The following PRDM5 variants were observed in gnomAD, a reference collection of about 807,000 sequenced individuals.
PRDM5 encodes PR/SET domain 5, also known as PR domain zinc finger protein 5.
In PRDM5, 56 loss-of-function variants were observed where a neutral mutation model predicts 81.2. The observed-to-expected ratio is 0.69, with a 90% CI of 0.56 to 0.86. The LOEUF (loss-of-function observed/expected upper bound fraction) is 0.86, where lower values mean the gene tolerates loss of function less well. Among genes scored for constraint, PRDM5 ranks in the 40% least tolerant of loss-of-function variants. PRDM5 has a pLI of 0.00. For synonymous variants in PRDM5, 267 were observed against 256.4 expected, an observed-to-expected ratio of 1.04 and a Z score of -0.39; for missense variants, 697 against 770.1, an observed-to-expected ratio of 0.91 and a Z score of 1.12.
chr4:120,881,443 C>T (rs917856706), intron 2 of PRDM5, among the ~76,000 whole-genome samples: 2 of 152,160 alleles, frequency 1.3e-5, no homozygotes, highest in African/African-American at 4.8e-5. Flanking sequence ...TGACATTTTT[C>T]ACAGAGTCTA....
intron 14 of PRDM5, among the ~76,000 whole-genome samples, chr4:120,733,931 T>C (rs571802796): frequency 3.3e-5 from 5 of 150,690 alleles, no homozygotes; most frequent in South Asian, 2.1e-4. Context: ...CTAATATAAT[T>C]AATGTACCAG....
chr4:120,843,035 A>G (rs1487673516), intron 3 of PRDM5, among the ~76,000 whole-genome samples: 23 of 152,196 alleles, frequency 1.5e-4, no homozygotes, highest in Admixed American at 1.4e-3. Flanking sequence ...GGATTTCTGT[A>G]AGAAACAATC....
At chr4:120,714,664 C>A (rs185265508) in intron 14 of PRDM5, among the ~76,000 whole-genome samples, 1 of 152,178 alleles carries the variant, frequency 6.6e-6, no homozygotes. Flanking sequence ...TCTCCTGTCT[C>A]CTGCTCGTGG....
intron 14 of PRDM5, among the ~76,000 whole-genome samples, chr4:120,734,169 C>T (rs894337811): frequency 2.6e-5 from 4 of 151,938 alleles, no homozygotes; most frequent in Non-Finnish European, 4.4e-5. Flanking sequence ...CAGCCTGGCA[C>T]AGGGCACCCA....
chr4:120,763,487 G>T (rs1045410769), intron 13 of PRDM5, among the ~76,000 whole-genome samples: 12 of 152,206 alleles, frequency 7.9e-5, no homozygotes, highest in African/African-American at 2.9e-4. Context: ...AAAGCAAGGG[G>T]ACTGTTCCAC....
At chr4:120,839,713 T>A (rs1288035595) in intron 3 of PRDM5, among the ~76,000 whole-genome samples, 1 of 152,176 alleles carries the variant, frequency 6.6e-6, no homozygotes, top group Admixed American at 6.5e-5. Context: ...ACCGGGTACC[T>A]GCCCCCTTTT....
intron 2 of PRDM5, among the ~76,000 whole-genome samples, chr4:120,863,948 AAG>A (rs1222316354): frequency 2.6e-5 from 4 of 152,214 alleles, no homozygotes; most frequent in African/African-American, 9.6e-5. Flanking sequence ...AGCAAAATCA[AAG>A]CAATAACAGG....
intron 3 of PRDM5, among the ~76,000 whole-genome samples, chr4:120,841,216 T>C (rs1757992272): frequency 6.6e-6 from 1 of 152,200 alleles, no homozygotes; most frequent in Non-Finnish European, 1.5e-5. Flanking sequence ...ATACTTGGCT[T>C]AATACAGTAT....
At chr4:120,858,054 C>T (rs1760084330) in intron 2 of PRDM5, among the ~76,000 whole-genome samples, 1 of 152,098 alleles carries the variant, frequency 6.6e-6, no homozygotes, top group Admixed American at 6.6e-5. Context: ...GCAGCAAATA[C>T]AGTCAGTTCC....
chr4:120,781,059 A>G (rs1474617436), intron 12 of PRDM5, 84 bp downstream of exon 12: 19 of 1,160,682 alleles, frequency 1.6e-5, no homozygotes, highest in South Asian at 1.5e-4. Flanking sequence ...AGATTAATAT[A>G]TAATTATCAC....
At chr4:120,762,628 CTAATAAATTAGA>C (rs1473427311) in intron 13 of PRDM5, 3 of 152,154 alleles carry the variant, frequency 2.0e-5, no homozygotes, top group African/African-American at 7.2e-5. Flanking sequence ...TATGGAGTTT[CTAATAAATTAGA>C]AGTACACCAT....
At chr4:120,729,737 C>T (rs1253268942) in intron 14 of PRDM5, among the ~76,000 whole-genome samples, 1 of 152,154 alleles carries the variant, frequency 6.6e-6, no homozygotes, top group Non-Finnish European at 1.5e-5. Context: ...ATATCTCTTC[C>T]TGGTGGCTTT....
intron 14 of PRDM5, among the ~76,000 whole-genome samples, chr4:120,746,706 G>T (rs1345478647): frequency 2.7e-5 from 4 of 148,224 alleles, no homozygotes; most frequent in African/African-American, 7.6e-5. Flanking sequence ...CCGGCCATCA[G>T]AGAAATGCAA....
chr4:120,823,823 T>A lies in PRDM5; in HGVS notation c.301-2478A>T, dbSNP rs558105919. On this transcript the variant is annotated intron_variant, in intron 3 of 15. Transcript: ENST00000264808. ...CCACAAACCTCATGTTGAAATGTGA[T>A]CCCCAATGTTAGAGGTGGGGCCTGA... 1.6e-4 allele frequency among the ~76,000 whole-genome samples: 25 copies of A among 152,304 alleles called. No individual in the cohort carries two copies. In the South Asian group the frequency reaches 5.2e-3, roughly 32 times the overall value.
intron 2 of PRDM5, among the ~76,000 whole-genome samples, chr4:120,856,251 C>T (rs1220744803): frequency 6.6e-6 from 1 of 152,158 alleles, no homozygotes; most frequent in Non-Finnish European, 1.5e-5. Context: ...TGAAATGTAT[C>T]ACTTTTAATA....
intron 13 of PRDM5, among the ~76,000 whole-genome samples, chr4:120,775,398 G>C (rs902867462): frequency 1.3e-5 from 2 of 152,000 alleles, no homozygotes; most frequent in African/African-American, 4.8e-5. Context: ...CTTCTCCACT[G>C]CCTAGCCATA....
chr4:120,839,155 A>G lies in PRDM5; in HGVS notation c.300+14263T>C. The G allele has an allele frequency of 8.8e-6, 6 of 685,628 alleles. No individual in the cohort carries two copies. The South Asian group carries it at 9.0e-5, about 10-fold the overall frequency. 42.5% of individuals were successfully genotyped at this position (685,628 alleles called of 1,614,324 possible). A position where few individuals can be genotyped will look rare whatever the true frequency, so the allele number is the denominator to read the frequency against. On this transcript the variant is annotated intron_variant, in intron 3 of 15. Transcript: ENST00000264808. ...AGCTCCCAGGTCTGGGATCCCTGAA[A>G]GGCTGCAGCTCTTCTCTCCTTCTCT... is the stretch of plus-strand genomic sequence containing the variant.
At chr4:120,812,000 C>T (rs927073623) in intron 7 of PRDM5, among the ~76,000 whole-genome samples, 6 of 152,078 alleles carry the variant, frequency 3.9e-5, no homozygotes, top group African/African-American at 1.2e-4. Flanking sequence ...CACCTATTAA[C>T]TATCCCATTT....
rs67588490 is a variant in PRDM5 at position 120,692,701 on chromosome 4, A to G, written c.*2410T>C. 24,071 of 152,078 alleles carry G rather than the reference A, an allele frequency of 0.16. 2,441 individuals are homozygous for G. The highest frequency in any genetic ancestry group is 0.24 in the Non-Finnish European group (16,168 of 67,962). 9.4% of individuals were successfully genotyped at this position (152,078 alleles called of 1,614,324 possible). ...AATTACTTAGACTTTATAGGCACCT[A>G]AGGGTCTGGTCTTTTCTCAAGAAAA... On this transcript the variant is annotated 3_prime_UTR_variant, in exon 16 of 16. Coordinates refer to ENST00000264808, the MANE Select transcript of PRDM5 (RefSeq NM_018699.4).
Sources: allele counts gnomAD v4.1 joint callset (sites outside exome capture counted in the v4.1 genomes callset), GRCh38; gene constraint gnomAD v4.1.1; transcripts MANE v1.5; gene names NCBI Gene and HGNC (gene_info 2026-07-23, HGNC 2026-07-21).